The following ZSWIM2 variants were observed in gnomAD, a reference collection of about 807,000 sequenced individuals.
The protein encoded by ZSWIM2 is E3 ubiquitin-protein ligase ZSWIM2.
ZSWIM2 carries 38 observed loss-of-function variants against 48.4 expected under a neutral mutation model. That is an observed-to-expected ratio of 0.79 (90% confidence interval 0.61 to 1.03). The LOEUF (loss-of-function observed/expected upper bound fraction) is 1.03, where lower values mean the gene tolerates loss of function less well. ZSWIM2 is among the 50% of genes least tolerant of loss of function. ZSWIM2 has a pLI of 0.00. For missense variants in ZSWIM2, 776 were observed against 730.2 expected (o/e 1.06, Z -0.72); for synonymous variants, 240 against 251.3 (o/e 0.96, Z 0.42).
At chr2:186,830,480 T>C (rs1423024409) in intron 7 of ZSWIM2, among the ~76,000 whole-genome samples, 1 of 152,166 alleles carries the variant, frequency 6.6e-6, no homozygotes, top group Non-Finnish European at 1.5e-5. Flanking sequence ...AATCAGACCA[T>C]ATACTCAAAT....
chr2:186,837,646 T>C, intron 4 of ZSWIM2, 92 bp from the exon 5 acceptor site: 1 of 436,516 alleles, frequency 2.3e-6, no homozygotes, highest in Non-Finnish European at 3.1e-6. Flanking sequence ...TATATTTATA[T>C]AAATAAAATT....
At chr2:186,834,216 G>A (rs918926072) in intron 5 of ZSWIM2, among the ~76,000 whole-genome samples, 186 bp from the exon 6 acceptor site, 9 of 152,116 alleles carry the variant, frequency 5.9e-5, no homozygotes, top group Non-Finnish European at 1.3e-4. Flanking sequence ...AACTTAAACT[G>A]CACAAATGTA....
At position 186,829,667 on chromosome 2, in the gene ZSWIM2, A is replaced by C. The variant is rs1691662910; in HGVS notation, c.1095+60T>G. 3.9e-6 allele frequency: 6 copies of C among 1,550,378 alleles called. No individual in the cohort carries two copies. In the East Asian group the frequency reaches 1.4e-4, roughly 35 times the overall value. ...AGTAAAAGGACAGACTTAAATTGTC[A>C]CTTCATTTGTGAAAACTGACCCTAC... On this transcript the variant is annotated intron_variant, in intron 8 of 8. Coordinates refer to ENST00000295131, the MANE Select transcript of ZSWIM2 (RefSeq NM_182521.3).
At chr2:186,844,951 A>C (rs1691970038) in intron 2 of ZSWIM2, among the ~76,000 whole-genome samples, 194 bp from the exon 3 acceptor site, 3 of 151,652 alleles carry the variant, frequency 2.0e-5, no homozygotes, top group Admixed American at 2.0e-4. Context: ...CATATGTGAA[A>C]AAAGTATGAT....
At position 186,828,532 on chromosome 2, in the gene ZSWIM2, A is replaced by G. The variant is rs112628592; in HGVS notation, c.1354T>C (p.Leu452=). The G allele has an allele frequency of 1.6e-4, 256 of 1,613,468 alleles. No individual in the cohort carries two copies. In the African/African-American group the frequency reaches 1.9e-3, roughly 12 times the overall value. ...PSIPQCNFDE[L]NTPQSPKDAY... ...TCTTTTGGGCTTTGAGGTGTATTCA[A>G]TTCATCAAAATTACACTGAGGTATG... Residue 452 remains leucine, a synonymous_variant, in exon 9 of 9, where the codon TTG becomes CTG. Coordinates refer to ENST00000295131, the MANE Select transcript of ZSWIM2 (RefSeq NM_182521.3).
At chr2:186,836,569 A>G (rs1691796692) in intron 5 of ZSWIM2, among the ~76,000 whole-genome samples, 1 of 152,122 alleles carries the variant, frequency 6.6e-6, no homozygotes. Context: ...GGCTCATCAT[A>G]ATGTAATTCA....
chr2:186,828,906 A>G, intron 8 of ZSWIM2, 116 bp from the exon 9 acceptor site: 1 of 628,482 alleles, frequency 1.6e-6, no homozygotes, highest in Non-Finnish European at 2.4e-6. Context: ...AAAATTGAAA[A>G]ATAATTATTT....
rs778184939 is a variant in ZSWIM2 at position 186,828,750 on chromosome 2, C to T, written c.1136G>A (p.Cys379Tyr). ...TTGTCCATCAATAGGGCATGAATTG[C>T]ACTTGTGGAATAACCAGTTGTCAAT... ...KCIDNWLFHK[C>Y]NSCPIDGQVI... The change falls in exon 9 of 9, where the codon TGC becomes TAC. Residue 379 changes from cysteine to tyrosine, a missense_variant. Transcript: ENST00000295131. The T allele has an allele frequency of 6.3e-7, 1 of 1,596,538 alleles. No individual in the cohort carries two copies. Among genetic ancestry groups the T allele is most frequent in the Non-Finnish European group, 8.5e-7 (1 of 1,172,120 alleles).
In ZSWIM2 at chr2:186,833,202, T is replaced by C. The variant is rs142958653; in HGVS notation, c.859A>G (p.Lys287Glu). The change falls in exon 7 of 9, where the codon AAA becomes GAA. Residue 287 changes from lysine to glutamate, a missense_variant. Transcript: ENST00000295131. ...KRNQKWRSLEKRADEVVKYID... is the reference protein window; with the variant it reads ...KRNQKWRSLEERADEVVKYID... ...TATTTTACAACTTCATCTGCTCTTT[T>C]TTCTAGTGATCTCCATTTTTGGTTT... 14,347 of 1,543,070 alleles carry C rather than the reference T, an allele frequency of 9.3e-3. 82 individuals are homozygous for C. Among genetic ancestry groups the C allele is most frequent in the Non-Finnish European group, 0.011 (13,088 of 1,145,424 alleles).
rs1691853755 is a variant in ZSWIM2 at position 186,839,003 on chromosome 2, A to G, written c.450T>C (p.Cys150=). 1.9e-6 allele frequency: 3 copies of G among 1,610,738 alleles called. No homozygotes were observed. Among genetic ancestry groups the G allele is most frequent in the African/African-American group, 1.3e-5 (1 of 74,846 alleles). Residue 150 remains cysteine, a synonymous_variant, in exon 4 of 9, where the codon TGT becomes TGC. Transcript: ENST00000295131. The stretch of plus-strand genomic sequence containing the variant: ...GCTTTTTCTCTAAAAGTAGCTCTTG[A>G]CAAATAGAGCAGATATCCTCTGAAT... ...EIDSEDICSI[C]QELLLEKKLP...
intron 3 of ZSWIM2, among the ~76,000 whole-genome samples, chr2:186,839,965 A>G (rs539726738): frequency 1.3e-5 from 2 of 151,592 alleles, no homozygotes; most frequent in South Asian, 2.1e-4. Context: ...CCTGCCTTCT[A>G]TTGATTTTAT....
chr2:186,849,168 A>C lies in ZSWIM2; in HGVS notation c.-38T>G, dbSNP rs779071764. The stretch of plus-strand genomic sequence containing the variant: ...CGGAGGCGGCCCCTCTGCTCGGCTC[A>C]CTGAGGCGCCAGCCGGTCTCCAAGA... On this transcript the variant is annotated 5_prime_UTR_variant, in exon 1 of 9. Coordinates refer to ENST00000295131, the MANE Select transcript of ZSWIM2 (RefSeq NM_182521.3). The C allele has an allele frequency of 1.9e-6, 3 of 1,565,622 alleles. No homozygotes were observed. The highest frequency in any genetic ancestry group is 2.6e-6 in the Non-Finnish European group (3 of 1,152,540).
intron 2 of ZSWIM2, among the ~76,000 whole-genome samples, chr2:186,846,393 C>T (rs797007030): frequency 6.6e-6 from 1 of 151,876 alleles, no homozygotes; most frequent in Non-Finnish European, 1.5e-5. Context: ...CTCAACATCA[C>T]TAATCATCAG....
chr2:186,829,638 C>G, intron 8 of ZSWIM2, 89 bp downstream of exon 8: 1 of 1,406,068 alleles, frequency 7.1e-7, no homozygotes, highest in Non-Finnish European at 9.7e-7. Context: ...GAGCACAACT[C>G]AAAAGTAAAA....
intron 3 of ZSWIM2, among the ~76,000 whole-genome samples, chr2:186,843,991 A>G (rs934895075): frequency 3.3e-5 from 5 of 151,708 alleles, no homozygotes; most frequent in Non-Finnish European, 5.9e-5. Context: ...AAAATTTAAA[A>G]CTAATTATCA....
At chr2:186,838,353 A>T (rs528710545) in intron 4 of ZSWIM2, among the ~76,000 whole-genome samples, 2 of 151,378 alleles carry the variant, frequency 1.3e-5, no homozygotes, top group Admixed American at 1.3e-4. Flanking sequence ...TGAGTAAAAA[A>T]AAAAAAAGAT....
At position 186,838,656 on chromosome 2, in the gene ZSWIM2, T is replaced by C. The variant is rs1243393129; in HGVS notation, c.494+303A>G. 2.0e-5 allele frequency among the ~76,000 whole-genome samples: 3 copies of C among 147,616 alleles called. No individual in the cohort carries two copies. In the South Asian group the frequency reaches 6.3e-4, roughly 31 times the overall value. Reference sequence around the variant, plus strand: ...GCATATATTTAGCTCAAAACATATATATACACACACATATATATGTTGCTT... The same window carrying C: ...GCATATATTTAGCTCAAAACATATACATACACACACATATATATGTTGCTT... On this transcript the variant is annotated intron_variant, in intron 4 of 8. Transcript: ENST00000295131.
chr2:186,828,749 G>A lies in ZSWIM2; in HGVS notation c.1137C>T (p.Cys379=), dbSNP rs1045302282. ...KCIDNWLFHK[C]NSCPIDGQVI... is the part of the protein sequence containing the mutation. ...CTTGTCCATCAATAGGGCATGAATT[G>A]CACTTGTGGAATAACCAGTTGTCAA... is the stretch of plus-strand genomic sequence containing the variant. The change falls in exon 9 of 9, where the codon TGC becomes TGT. Residue 379 remains cysteine (C), a synonymous_variant. Coordinates refer to ENST00000295131, the MANE Select transcript of ZSWIM2 (RefSeq NM_182521.3). 1 of 1,596,510 alleles carries A rather than the reference G, an allele frequency of 6.3e-7. No homozygotes were observed. Among genetic ancestry groups the A allele is most frequent in the South Asian group, 1.1e-5 (1 of 88,446 alleles).
At chr2:186,838,763 A>G (rs1691846600) in intron 4 of ZSWIM2, among the ~76,000 whole-genome samples, 196 bp downstream of exon 4, 1 of 146,020 alleles carries the variant, frequency 6.8e-6, no homozygotes, top group Non-Finnish European at 1.5e-5. Context: ...ATATTGTAAT[A>G]TATTATAATA....
Sources: gnomAD v4.1 joint callset for allele counts (sites outside exome capture counted in the v4.1 genomes callset) on GRCh38, gnomAD v4.1.1 for gene constraint, MANE v1.5 for transcripts, NCBI Gene and HGNC (gene_info 2026-07-23, HGNC 2026-07-21) for gene names.